The following ZMIZ1 variants were observed in gnomAD, a reference collection of about 807,000 sequenced individuals.
ZMIZ1 encodes zinc finger MIZ domain-containing protein 1.
Under a neutral mutation model 113.9 loss-of-function variants are expected in ZMIZ1, and 17 were observed. That is an observed-to-expected ratio of 0.15 (90% CI 0.10 to 0.22). The LOEUF is 0.22. ZMIZ1 is among the 10% of genes least tolerant of loss of function. The pLI is 1.00. For synonymous variants in ZMIZ1, 607 were observed against 603.1 expected, an observed-to-expected ratio of 1.01 and a Z score of -0.09; for missense variants, 1,059 against 1,477.8, an observed-to-expected ratio of 0.72 and a Z score of 4.65.
intron 7 of ZMIZ1, among the ~76,000 whole-genome samples, chr10:79,240,718 T>C (rs11002886): frequency 0.025 from 3,583 of 144,926 alleles, 148 homozygotes; most frequent in African/African-American, 0.09. Flanking sequence ...GGAGCGTATA[T>C]TAATTCTCTT....
intron 2 of ZMIZ1, among the ~76,000 whole-genome samples, chr10:79,138,848 A>G (rs1303314333): frequency 6.6e-6 from 1 of 152,254 alleles, no homozygotes; most frequent in Non-Finnish European, 1.5e-5. Flanking sequence ...AATTATTTCA[A>G]GGGCATGATT....
intron 8 of ZMIZ1, 32 bp downstream of exon 8, chr10:79,277,357 T>G (rs558019545): frequency 1.0e-5 from 16 of 1,549,928 alleles, no homozygotes; most frequent in Non-Finnish European, 1.4e-5. Flanking sequence ...GTGCAGGTAC[T>G]GAGCAGACAC....
chr10:79,074,007 T>A (rs1396835602), intron 1 of ZMIZ1, among the ~76,000 whole-genome samples: 1 of 152,232 alleles, frequency 6.6e-6, no homozygotes, highest in Admixed American at 6.5e-5. Flanking sequence ...CGCTACCAGC[T>A]GGCTGCCTGC....
intron 1 of ZMIZ1, among the ~76,000 whole-genome samples, chr10:79,097,356 G>A (rs1589267004): frequency 6.6e-6 from 1 of 152,348 alleles, no homozygotes; most frequent in South Asian, 2.1e-4. Flanking sequence ...TGCTATTTCA[G>A]TGACCATCCT....
chr10:79,193,922 C>T (rs1847719108), intron 4 of ZMIZ1, among the ~76,000 whole-genome samples: 1 of 152,194 alleles, frequency 6.6e-6, no homozygotes, highest in Non-Finnish European at 1.5e-5. Flanking sequence ...CCAACTGATG[C>T]TGACATGTGC....
At chr10:79,216,467 G>A in intron 7 of ZMIZ1, 193 bp downstream of exon 7, 1 of 488,162 alleles carries the variant, frequency 2.0e-6, no homozygotes, top group Non-Finnish European at 3.6e-6. Context: ...GCCTCTCCCA[G>A]GGAGTATACT....
intron 7 of ZMIZ1, among the ~76,000 whole-genome samples, chr10:79,271,124 G>A (rs1170839400): frequency 2.0e-5 from 3 of 152,184 alleles, no homozygotes; most frequent in Non-Finnish European, 2.9e-5. Context: ...CAACATGTGT[G>A]CCAGATGAGC....
intron 6 of ZMIZ1, among the ~76,000 whole-genome samples, chr10:79,213,083 C>A (rs928340716): frequency 1.3e-5 from 2 of 152,112 alleles, no homozygotes; most frequent in African/African-American, 4.8e-5. Flanking sequence ...AGCAGCAGTA[C>A]CTGGACAGCC....
At chr10:79,197,562 C>A (rs1296419544) in intron 4 of ZMIZ1, among the ~76,000 whole-genome samples, 2 of 150,496 alleles carry the variant, frequency 1.3e-5, no homozygotes, top group East Asian at 3.9e-4. Context: ...GCAAGCGGAG[C>A]TGCCCTGATT....
chr10:79,089,902 C>T (rs1206516520), intron 1 of ZMIZ1, among the ~76,000 whole-genome samples: 2 of 152,160 alleles, frequency 1.3e-5, no homozygotes, highest in African/African-American at 4.8e-5. Flanking sequence ...AGACGGGATG[C>T]GCCGGAGTGT....
chr10:79,262,785 G>A (rs1025598880), intron 7 of ZMIZ1, among the ~76,000 whole-genome samples: 1 of 152,212 alleles, frequency 6.6e-6, no homozygotes, highest in East Asian at 1.9e-4. Flanking sequence ...CTGGGAAGGA[G>A]GGCCCAGAGC....
chr10:79,109,562 G>A (rs1843667034), intron 1 of ZMIZ1, among the ~76,000 whole-genome samples: 1 of 152,210 alleles, frequency 6.6e-6, no homozygotes, highest in African/African-American at 2.4e-5. Flanking sequence ...CTGGGAGGGA[G>A]GGATGTGGTG....
intron 7 of ZMIZ1, among the ~76,000 whole-genome samples, chr10:79,220,556 G>T (rs557267284): frequency 3.9e-5 from 6 of 152,276 alleles, no homozygotes; most frequent in South Asian, 4.2e-4. Context: ...CCACCTGTCC[G>T]CCCTCCTGCC....
chr10:79,236,648 C>A (rs1849604292), intron 7 of ZMIZ1, among the ~76,000 whole-genome samples: 1 of 152,186 alleles, frequency 6.6e-6, no homozygotes, highest in African/African-American at 2.4e-5. Flanking sequence ...CTGCCTGCCC[C>A]TGAGAAACAA....
intron 4 of ZMIZ1, among the ~76,000 whole-genome samples, chr10:79,180,050 C>T (rs1022509750): frequency 9.2e-5 from 14 of 152,178 alleles, no homozygotes; most frequent in African/African-American, 1.7e-4. Context: ...TGCAGGGTGC[C>T]GAGGGTGGAG....
chr10:79,143,556 G>A (rs1481326620), intron 3 of ZMIZ1, among the ~76,000 whole-genome samples: 1 of 152,186 alleles, frequency 6.6e-6, no homozygotes, highest in African/African-American at 2.4e-5. Context: ...CAAATGCAGG[G>A]CTCGAGTCAG....
At chr10:79,223,626 A>C (rs1849082824) in intron 7 of ZMIZ1, among the ~76,000 whole-genome samples, 2 of 152,340 alleles carry the variant, frequency 1.3e-5, no homozygotes, top group South Asian at 2.1e-4. Flanking sequence ...TGGGAAAGGC[A>C]ACTGGCGCTC....
intron 1 of ZMIZ1, among the ~76,000 whole-genome samples, chr10:79,078,465 A>AC (rs1564637570): frequency 6.8e-6 from 1 of 146,234 alleles, no homozygotes; most frequent in South Asian, 2.2e-4. Flanking sequence ...GAGCACCCCC[A>AC]CCCCCAAGAA....
At chr10:79,160,894 A>C (rs1223026017) in intron 3 of ZMIZ1, among the ~76,000 whole-genome samples, 1 of 152,234 alleles carries the variant, frequency 6.6e-6, no homozygotes, top group Admixed American at 6.5e-5. Context: ...TCCGGTGCAG[A>C]GAGGCACAGT....
Sources: gnomAD v4.1 joint callset for allele counts (sites outside exome capture counted in the v4.1 genomes callset) on GRCh38, gnomAD v4.1.1 for gene constraint, MANE v1.5 for transcripts, NCBI Gene and HGNC (gene_info 2026-07-23, HGNC 2026-07-21) for gene names.